P2RY2: variants seen among roughly 807,000 people sequenced by gnomAD.
P2RY2 encodes purinergic receptor P2Y2, also known as P2Y purinoceptor 2.
For synonymous variants in P2RY2, 241 were observed against 231.9 expected (o/e 1.04, Z -0.35); for missense variants, 567 against 515.7 (o/e 1.10, Z -0.96).
At position 73,238,266 on chromosome 11, in the gene P2RY2, G is replaced by A. The variant is rs1862701180; in HGVS notation, c.*2973G>A. 6.6e-6 allele frequency among the ~76,000 whole-genome samples: 1 copy of A among 152,220 alleles called. No individual in the cohort carries two copies. Among genetic ancestry groups the A allele is most frequent in the Admixed American group, 6.5e-5 (1 of 15,284 alleles). On this transcript the variant is annotated 3_prime_UTR_variant, in exon 3 of 3. Coordinates refer to ENST00000393597, the MANE Select transcript of P2RY2 (RefSeq NM_002564.4). ...GGGATGGGAGGAAAGGGAGGGTAGA[G>A]AGTTGAGTGTCAGGGAGTAAATGTC...
chr11:73,222,780 C>G (rs1246733888), intron 1 of P2RY2, among the ~76,000 whole-genome samples: 2 of 152,308 alleles, frequency 1.3e-5, no homozygotes, highest in East Asian at 3.9e-4. Context: ...CCACCTCCCC[C>G]AGGCCAGGTA....
chr11:73,218,824 C>T (rs570766203), intron 1 of P2RY2, among the ~76,000 whole-genome samples: 1 of 152,218 alleles, frequency 6.6e-6, no homozygotes, highest in South Asian at 2.1e-4. Flanking sequence ...AGGCGGTGGC[C>T]GGTGCCCAGA....
In P2RY2 at chr11:73,239,566, T is replaced by G. The variant is rs1862731708; in HGVS notation, c.*4273T>G. On this transcript the variant is annotated 3_prime_UTR_variant, in exon 3 of 3. Transcript: ENST00000393597. ...ATGGTGCTCTGCAGCCACCTCTCAC[T>G]TCATTAAGAGTCCACAGATCTAGGA... 6.6e-6 allele frequency: 1 copy of G among 152,206 alleles called. No individual in the cohort carries two copies. Among genetic ancestry groups the G allele is most frequent in the Non-Finnish European group, 1.5e-5 (1 of 68,066 alleles). The allele number at this position is 152,206 out of a possible 1,614,324, so 9.4% of individuals were successfully genotyped here.
At position 73,233,898 on chromosome 11, in the gene P2RY2, A is replaced by T. The variant is rs1591638171; in HGVS notation, c.-4-258A>T. The T allele has an allele frequency of 1.1e-5, 6 of 526,306 alleles. No homozygotes were observed. In the East Asian group the frequency reaches 1.9e-4, roughly 16 times the overall value. The allele number at this position is 526,306 out of a possible 1,614,324, so 32.6% of individuals were successfully genotyped here. ...AACAGATGGGCACCGTTGTGTTCCAACAAAGCTGAATTTACAAAAGCAGAC... is the reference window on the plus strand; with the variant it reads ...AACAGATGGGCACCGTTGTGTTCCATCAAAGCTGAATTTACAAAAGCAGAC... On this transcript the variant is annotated intron_variant, in intron 2 of 2. Coordinates refer to ENST00000393597, the MANE Select transcript of P2RY2 (RefSeq NM_002564.4).
chr11:73,236,155 A>C lies in P2RY2; in HGVS notation c.*862A>C. On this transcript the variant is annotated 3_prime_UTR_variant, in exon 3 of 3. Coordinates refer to ENST00000393597, the MANE Select transcript of P2RY2 (RefSeq NM_002564.4). ...CCTGACTCTGTGCTGAGCACAGAGA[A>C]AAGTCAGGTGCAGTCCCAGTCCTTG... 1 of 1,000,266 alleles carries C rather than the reference A, an allele frequency of 1.0e-6. No homozygotes were observed. Among genetic ancestry groups the C allele is most frequent in the Non-Finnish European group, 1.2e-6 (1 of 829,954 alleles). The allele number at this position is 1,000,266 out of a possible 1,614,324, so 62.0% of individuals were successfully genotyped here.
At chr11:73,227,565 T>C (rs1434995473) in intron 1 of P2RY2, among the ~76,000 whole-genome samples, 1 of 152,132 alleles carries the variant, frequency 6.6e-6, no homozygotes, top group Non-Finnish European at 1.5e-5. Flanking sequence ...CAAAATTGTA[T>C]TGGCAGAAGG....
chr11:73,235,159 C>G lies in P2RY2; in HGVS notation c.1000C>G (p.Arg334Gly), dbSNP rs1626154. The G allele has an allele frequency of 7.6e-5, 123 of 1,608,484 alleles. No homozygotes were observed. The African/African-American group carries it at 1.6e-3, about 21-fold the overall frequency. The change falls in exon 3 of 3, where the codon CGC becomes GGC. Residue 334 changes from arginine to glycine, a missense_variant. Arg to Gly is a moderately radical substitution (Grantham distance 125). Coordinates refer to ENST00000393597, the MANE Select transcript of P2RY2 (RefSeq NM_002564.4). ...TGPSPATPAR[R>G]RLGLRRSDRT... The stretch of plus-strand genomic sequence containing the variant: ...CCCCAGCCCTGCCACCCCGGCTCGC[C>G]GCAGGCTGGGCCTGCGCAGATCCGA...
rs550629589 is a variant in P2RY2 at position 73,223,403 on chromosome 11, C to T, written c.-199-4578C>T. 6.5e-4 allele frequency among the ~76,000 whole-genome samples: 99 copies of T among 152,284 alleles called. 1 individual carries two copies. Among genetic ancestry groups the T allele is most frequent in the African/African-American group, 2.4e-3 (98 of 41,548 alleles). On this transcript the variant is annotated intron_variant, in intron 1 of 2. Transcript: ENST00000393597. Reference sequence around the variant, plus strand: ...TGCTGGGGAACACCTGGGAGGGCCTCCCTACCAAGCAGTGTCATGGGCTCC... The same window carrying T: ...TGCTGGGGAACACCTGGGAGGGCCTTCCTACCAAGCAGTGTCATGGGCTCC...
At chr11:73,225,693 G>A (rs748692167) in intron 1 of P2RY2, among the ~76,000 whole-genome samples, 1 of 99,516 alleles carries the variant, frequency 1.0e-5, no homozygotes, top group African/African-American at 4.4e-5. Flanking sequence ...GGAGGTATAT[G>A]AAGCCACCTA....
chr11:73,222,536 C>A (rs779788543), intron 1 of P2RY2, among the ~76,000 whole-genome samples: 1 of 152,150 alleles, frequency 6.6e-6, no homozygotes, highest in Non-Finnish European at 1.5e-5. Flanking sequence ...GGCATTTGAG[C>A]CTTTTCAAGT....
chr11:73,231,312 G>A (rs111748974), intron 2 of P2RY2, among the ~76,000 whole-genome samples: 15 of 150,584 alleles, frequency 1.0e-4, no homozygotes, highest in African/African-American at 2.2e-4. Context: ...TTAGGAGGCC[G>A]AGGTGGGTGG....
At chr11:73,224,076 G>A (rs1243322332) in intron 1 of P2RY2, among the ~76,000 whole-genome samples, 2 of 152,130 alleles carry the variant, frequency 1.3e-5, no homozygotes, top group African/African-American at 2.4e-5. Context: ...TCCTGAAGGG[G>A]GTGCCTAACA....
intron 1 of P2RY2, among the ~76,000 whole-genome samples, chr11:73,225,339 G>T (rs2135633635): frequency 6.6e-6 from 1 of 152,362 alleles, no homozygotes; most frequent in East Asian, 1.9e-4. Context: ...CAGGTCAGGG[G>T]GTTACAGGTC....
rs1040868459 is a variant in P2RY2 at position 73,239,824 on chromosome 11, C to T, written c.*4531C>T. On this transcript the variant is annotated 3_prime_UTR_variant, in exon 3 of 3. Coordinates refer to ENST00000393597, the MANE Select transcript of P2RY2 (RefSeq NM_002564.4). Reference sequence around the variant, plus strand: ...GGACTAGGGTGGAGGCAGTGTTTCTCCCCAGCATCAAGTGACCAGAGAAGT... The same window carrying T: ...GGACTAGGGTGGAGGCAGTGTTTCTTCCCAGCATCAAGTGACCAGAGAAGT... The T allele has an allele frequency of 6.6e-6, 1 of 152,342 alleles. No individual in the cohort carries two copies. The highest frequency in any genetic ancestry group is 1.5e-5 in the Non-Finnish European group (1 of 68,154). The allele number at this position is 152,342 out of a possible 1,614,324, so 9.4% of individuals were successfully genotyped here.
intron 1 of P2RY2, among the ~76,000 whole-genome samples, chr11:73,224,953 G>C (rs1460877676): frequency 6.6e-6 from 1 of 152,202 alleles, no homozygotes; most frequent in East Asian, 1.9e-4. Flanking sequence ...CTGGGTTTTG[G>C]AGTTAAGAGA....
Position 73,236,961 on chromosome 11 carries a change from C to T in P2RY2, c.*1668C>T, listed in dbSNP as rs1272397208. The T allele has an allele frequency of 1.0e-6, 1 of 985,210 alleles. No homozygotes were observed. Among genetic ancestry groups the T allele is most frequent in the Admixed American group, 6.1e-5 (1 of 16,266 alleles). 61.0% of individuals were successfully genotyped at this position (985,210 alleles called of 1,614,324 possible). ...TTGATCTCAAGGACAGGGACTCCCTCCTCTCCCTCTGGGAGAGCCCTCGCC... is the reference window on the plus strand; with the variant it reads ...TTGATCTCAAGGACAGGGACTCCCTTCTCTCCCTCTGGGAGAGCCCTCGCC... On this transcript the variant is annotated 3_prime_UTR_variant, in exon 3 of 3. Transcript: ENST00000393597.
At chr11:73,223,981 T>G (rs1406184414) in intron 1 of P2RY2, among the ~76,000 whole-genome samples, 1 of 152,142 alleles carries the variant, frequency 6.6e-6, no homozygotes, top group African/African-American at 2.4e-5. Context: ...AGCTCAGCCT[T>G]GGTGAGTGGC....
At position 73,234,319 on chromosome 11, in the gene P2RY2, G is replaced by A. The variant is rs762005901; in HGVS notation, c.160G>A (p.Ala54Thr). Residue 54 changes from alanine (A) to threonine (T), a missense_variant, in exon 3 of 3, where the codon GCG (alanine) becomes ACG (threonine). Transcript: ENST00000393597. ...GCCTGGGCTGTGTCTGAACGCCGTGGCGCTCTACATCTTCTTGTGCCGCCT... is the reference window on the plus strand; with the variant it reads ...GCCTGGGCTGTGTCTGAACGCCGTGACGCTCTACATCTTCTTGTGCCGCCT... ...CVPGLCLNAV[A>T]LYIFLCRLKT... 8.1e-6 allele frequency: 13 copies of A among 1,613,708 alleles called. No individual in the cohort carries two copies.
In P2RY2 at chr11:73,235,895, T is replaced by C; in HGVS notation, c.*602T>C. 1 of 1,000,392 alleles carries C rather than the reference T, an allele frequency of 1.0e-6. No homozygotes were observed. 62.0% of individuals were successfully genotyped at this position (1,000,392 alleles called of 1,614,324 possible). ...GGCTCCCATGGGCTAGGAGCCAGTG[T>C]GAGGCTGTAACTTATACTAAAGGTT... On this transcript the variant is annotated 3_prime_UTR_variant, in exon 3 of 3. Coordinates refer to ENST00000393597, the MANE Select transcript of P2RY2 (RefSeq NM_002564.4).
Sources: gnomAD v4.1 joint callset for allele counts (sites outside exome capture counted in the v4.1 genomes callset) on GRCh38, gnomAD v4.1.1 for gene constraint, MANE v1.5 for transcripts, NCBI Gene and HGNC (gene_info 2026-07-23, HGNC 2026-07-21) for gene names.